ANO3: variants seen among roughly 807,000 people sequenced by gnomAD.
The protein encoded by ANO3 is anoctamin-3.
In ANO3, 99 loss-of-function variants were observed where a neutral mutation model predicts 144.8. The observed-to-expected ratio is 0.68, with a 90% CI of 0.58 to 0.81. The LOEUF (loss-of-function observed/expected upper bound fraction) is 0.81. Among genes scored for constraint, ANO3 ranks in the 30% least tolerant of loss-of-function variants. ANO3 has a pLI of 0.00. For missense variants in ANO3, 905 were observed against 1,202.2 expected (o/e 0.75, Z 3.66); for synonymous variants, 414 against 392.6 (o/e 1.05, Z -0.64).
In ANO3 at chr11:26,628,086, G is replaced by A. The variant is rs190155868; in HGVS notation, c.1873+3588G>A. ...TTTTTTAACATGGGAAAAATTAAAA[G>A]CATTTACTTCAAAGTGATTTTTTGA... On this transcript the variant is annotated intron_variant, in intron 18 of 26. Transcript: ENST00000256737. Among the ~76,000 whole-genome samples, 218 of 152,174 alleles carry A rather than the reference G, an allele frequency of 1.4e-3. 4 individuals are homozygous for A. The East Asian group carries it at 0.039, about 27-fold the overall frequency.
chr11:26,475,948 G>T (rs927943822), intron 4 of ANO3, among the ~76,000 whole-genome samples: 1 of 151,952 alleles, frequency 6.6e-6, no homozygotes, highest in African/African-American at 2.4e-5. Context: ...TAGAGGGCTG[G>T]TTAAAAAAAT....
chr11:26,212,612 T>C (rs1851957223), intron 1 of ANO3, among the ~76,000 whole-genome samples: 1 of 151,942 alleles, frequency 6.6e-6, no homozygotes, highest in Non-Finnish European at 1.5e-5. Context: ...AATAGATCAA[T>C]AACAAATTCT....
At chr11:26,565,916 A>G in intron 14 of ANO3, 1 of 1,547,970 alleles carries the variant, frequency 6.5e-7, no homozygotes, top group Non-Finnish European at 8.7e-7. Context: ...AATAACCATA[A>G]TTTGAATTCC....
At chr11:26,507,543 T>C (rs2134135858) in intron 4 of ANO3, among the ~76,000 whole-genome samples, 1 of 152,332 alleles carries the variant, frequency 6.6e-6, no homozygotes, top group South Asian at 2.1e-4. Context: ...GGTTTCAGTA[T>C]TACTAAATAT....
In ANO3 at chr11:26,318,528, G is replaced by A. The variant is rs79584790; in HGVS notation, c.-3+8809G>A. On this transcript the variant is annotated intron_variant, in intron 1 of 26. Coordinates refer to the ANO3 transcript ENST00000525139. The stretch of plus-strand genomic sequence containing the variant: ...ATAGAAACTTAGAATAGGACTAATC[G>A]GTAGGGAGACACGACTGACAGCATA... Among the ~76,000 whole-genome samples the A allele has an allele frequency of 5.4e-3, 822 of 152,268 alleles. 7 individuals carry two copies. Among genetic ancestry groups the A allele is most frequent in the African/African-American group, 0.019 (769 of 41,544 alleles).
chr11:26,439,614 G>A lies in ANO3; in HGVS notation c.47-2304G>A, dbSNP rs369013117. Among the ~76,000 whole-genome samples, 10 of 152,308 alleles carry A rather than the reference G, an allele frequency of 6.6e-5. No individual in the cohort carries two copies. In the South Asian group the frequency reaches 1.0e-3, roughly 16 times the overall value. The stretch of plus-strand genomic sequence containing the variant: ...TATACTTAAAGGAATCGATTTTATG[G>A]TATATGATTATATATCAATAAAGCC... On this transcript the variant is annotated intron_variant, in intron 1 of 26. Coordinates refer to ENST00000256737, the MANE Select transcript of ANO3 (RefSeq NM_031418.4).
intron 3 of ANO3, among the ~76,000 whole-genome samples, chr11:26,451,704 T>C (rs995155460): frequency 1.3e-5 from 2 of 152,108 alleles, no homozygotes; most frequent in African/African-American, 4.8e-5. Flanking sequence ...GACTTAAATG[T>C]TCCTGTCTGA....
At chr11:26,295,665 A>G (rs911527060) in intron 1 of ANO3, among the ~76,000 whole-genome samples, 1 of 152,180 alleles carries the variant, frequency 6.6e-6, no homozygotes, top group East Asian at 1.9e-4. Context: ...TTTCTAGAAA[A>G]GTTCAGATGT....
intron 3 of ANO3, among the ~76,000 whole-genome samples, chr11:26,447,518 A>G (rs1483773895): frequency 2.6e-5 from 4 of 152,208 alleles, no homozygotes; most frequent in Non-Finnish European, 5.9e-5. Flanking sequence ...GCCTTAAGGT[A>G]AAAAGTGGTT....
At position 26,642,860 on chromosome 11, in the gene ANO3, C is replaced by T. The variant is rs1260158441; in HGVS notation, c.2276-322C>T. Among the ~76,000 whole-genome samples the T allele has an allele frequency of 3.3e-5, 5 of 151,782 alleles. No homozygotes were observed. The East Asian group carries it at 9.7e-4, about 29-fold the overall frequency. On this transcript the variant is annotated intron_variant, in intron 22 of 26. Transcript: ENST00000256737. ...TTCTTTCTTCTTCCTCCTCCTTCTCCTCCTCCTCTGTTTTGTCTCCCATCT... is the reference window on the plus strand; with the variant it reads ...TTCTTTCTTCTTCCTCCTCCTTCTCTTCCTCCTCTGTTTTGTCTCCCATCT...
At chr11:26,611,814 A>G (rs770735543) in intron 17 of ANO3, among the ~76,000 whole-genome samples, 1 of 152,090 alleles carries the variant, frequency 6.6e-6, no homozygotes, top group Non-Finnish European at 1.5e-5. Context: ...ATATATTTCC[A>G]ATTGTTATAC....
intron 1 of ANO3, among the ~76,000 whole-genome samples, chr11:26,191,343 C>A (rs1038852653): frequency 6.6e-6 from 1 of 151,596 alleles, no homozygotes; most frequent in African/African-American, 2.4e-5. Flanking sequence ...CATACACACA[C>A]ACACACACAC....
At chr11:26,479,995 CAGTGTG>C (rs1860145878) in intron 4 of ANO3, among the ~76,000 whole-genome samples, 1 of 152,066 alleles carries the variant, frequency 6.6e-6, no homozygotes, top group South Asian at 2.1e-4. Context: ...GTTGGAGGAA[CAGTGTG>C]AGCAAAGATA....
Position 26,545,203 on chromosome 11 carries a change from G to A in ANO3, c.1155-2213G>A, listed in dbSNP as rs1173427838. On this transcript the variant is annotated intron_variant, in intron 11 of 26. Coordinates refer to ENST00000256737, the MANE Select transcript of ANO3 (RefSeq NM_031418.4). ...TCTCTTATTGTGTTGCTTCCTATCT[G>A]TAGTGAGAGAAAGAGGGTGTTCAGA... 1.1e-4 allele frequency among the ~76,000 whole-genome samples: 17 copies of A among 152,092 alleles called. No homozygotes were observed. The South Asian group carries it at 1.5e-3, about 13-fold the overall frequency.
At chr11:26,246,482 T>TATATATA (rs1564932370) in intron 1 of ANO3, among the ~76,000 whole-genome samples, 3 of 134,868 alleles carry the variant, frequency 2.2e-5, no homozygotes, top group Non-Finnish European at 4.9e-5. Context: ...ATATATATAT[T>TATATATA]ATGAGTATAA....
intron 1 of ANO3, among the ~76,000 whole-genome samples, chr11:26,205,065 G>C (rs1851770859): frequency 6.6e-6 from 1 of 152,100 alleles, no homozygotes; most frequent in Non-Finnish European, 1.5e-5. Flanking sequence ...CAAGCAAAGG[G>C]GGAAGCCCCT....
chr11:26,656,550 T>A lies in ANO3; in HGVS notation c.2763+69T>A, dbSNP rs1404145355. On this transcript the variant is annotated intron_variant, in intron 26 of 26. Transcript: ENST00000256737. ...TTCTAAATGATTTATCAGTTGCCTC[T>A]TTGAAATCAGTTCCTCAGACTTCCA... The A allele has an allele frequency of 3.1e-5, 32 of 1,049,166 alleles. No individual in the cohort carries two copies. The Admixed American group carries it at 5.9e-4, about 19-fold the overall frequency. 65.0% of individuals were successfully genotyped at this position (1,049,166 alleles called of 1,614,324 possible). A position where few individuals can be genotyped will look rare whatever the true frequency, so the allele number is the denominator to read the frequency against.
intron 14 of ANO3, among the ~76,000 whole-genome samples, chr11:26,569,997 G>A (rs1391952676): frequency 6.6e-6 from 1 of 151,928 alleles, no homozygotes; most frequent in African/African-American, 2.4e-5. Flanking sequence ...ATAAAATAGA[G>A]GTTTAGGATC....
At chr11:26,476,535 A>T (rs748947762) in intron 4 of ANO3, among the ~76,000 whole-genome samples, 5 of 152,020 alleles carry the variant, frequency 3.3e-5, no homozygotes, top group Non-Finnish European at 7.4e-5. Flanking sequence ...GAGAGAGGTG[A>T]GCAGACACAA....
Sources: allele counts gnomAD v4.1 joint callset (sites outside exome capture counted in the v4.1 genomes callset), GRCh38; gene constraint gnomAD v4.1.1; transcripts MANE v1.5; gene names NCBI Gene and HGNC (gene_info 2026-07-23, HGNC 2026-07-21).